The following MFAP2 variants were observed in gnomAD, a reference collection of about 807,000 sequenced individuals.
MFAP2 encodes microfibrillar-associated protein 2.
Under a neutral mutation model 30.6 loss-of-function variants are expected in MFAP2, and 23 were observed. The ratio of observed to expected loss-of-function variants is 0.75; its 90% CI spans 0.54 to 1.07. MFAP2 has a LOEUF of 1.07. MFAP2 is among the 50% of genes least tolerant of loss of function. MFAP2 has a pLI of 0.00. For synonymous variants in MFAP2, 73 were observed against 85.7 expected (o/e 0.85, Z 0.82); for missense variants, 198 against 223.8 (o/e 0.88, Z 0.74).
At position 16,976,994 on chromosome 1, in the gene MFAP2, CCCT is replaced by C. The variant is rs2076598433; in HGVS notation, c.128-74_128-72del. 19 of 1,613,358 alleles carry C rather than the reference CCCT, an allele frequency of 1.2e-5. No individual in the cohort carries two copies. Among genetic ancestry groups the C allele is most frequent in the Non-Finnish European group, 1.6e-5 (19 of 1,179,536 alleles). ...CCCCAGCCCCTGGGGCAAACAAGTT[CCCT>C]CCTGAGCCAGGGACCAACCCCCAGA... On this transcript the variant is annotated intron_variant, in intron 3 of 8. Coordinates refer to ENST00000375535, the MANE Select transcript of MFAP2 (RefSeq NM_002403.4). This position sits in a 1 kb window ranked among gnomAD's most constrained non-coding sequence, Gnocchi z 5.5.
rs765485892 is a variant in MFAP2, at chr1:16,975,628, C to A, written c.374+15G>T. 6.2e-7 allele frequency: 1 copy of A among 1,612,662 alleles called. No homozygotes were observed. Among genetic ancestry groups the A allele is most frequent in the East Asian group, 2.2e-5 (1 of 44,866 alleles). ...TGCTCCGGAATCCTCCCGACAGCTG[C>A]CCATCTGTGCTCACCTGTAGAAGCA... On this transcript the variant is annotated intron_variant, in intron 7 of 8. Coordinates refer to ENST00000375535, the MANE Select transcript of MFAP2 (RefSeq NM_002403.4). The surrounding 1 kb of genome is among the most constrained non-coding windows in gnomAD (Gnocchi z 5.0).
At position 16,976,563 on chromosome 1, in the gene MFAP2, G is replaced by A. The variant is rs1393064820; in HGVS notation, c.242-18C>T. On this transcript the variant is annotated intron_variant, in intron 5 of 8. Coordinates refer to ENST00000375535, the MANE Select transcript of MFAP2 (RefSeq NM_002403.4). The surrounding 1 kb of genome is among the most constrained non-coding windows in gnomAD (Gnocchi z 5.5). ...TCCTGGTTCTGGTGTGGAGACAGAGGTAGGCAGACATCACTGGGAGGGGTC... is the reference window on the plus strand; with the variant it reads ...TCCTGGTTCTGGTGTGGAGACAGAGATAGGCAGACATCACTGGGAGGGGTC... 6.2e-7 allele frequency: 1 copy of A among 1,614,106 alleles called. No individual in the cohort carries two copies. Among genetic ancestry groups the A allele is most frequent in the Non-Finnish European group, 8.5e-7 (1 of 1,180,044 alleles).
In MFAP2 at chr1:16,975,659, C is replaced by T. The variant is rs374813759; in HGVS notation, c.358G>A (p.Glu120Lys). 2.7e-5 allele frequency: 44 copies of T among 1,614,064 alleles called. 1 individual carries two copies. In the South Asian group the frequency reaches 3.5e-4, roughly 13 times the overall value. The change falls in exon 7 of 9, where the codon GAG becomes AAG. Residue 120 changes from glutamate to lysine, a missense_variant. Physicochemically the swap from Glu to Lys is moderately conservative, Grantham distance 56 (BLOSUM62 1). Coordinates refer to ENST00000375535, the MANE Select transcript of MFAP2 (RefSeq NM_002403.4). The surrounding 1 kb of genome is among the most constrained non-coding windows in gnomAD (Gnocchi z 5.0). ...IHRPCKQCLN[E>K]VCFYSLRRVY... ...TGTGCTCACCTGTAGAAGCAGACCT[C>T]GTTGAGACACTGTTTGCAAGGCCTG...
chr1:16,975,842 GCAGA>G lies in MFAP2; in HGVS notation c.287-116_287-113del. ...TCCCCCCTGTACCTTCAGGCCCCGT[GCAGA>G]CACCCATACCTACACATGCCCACAT... On this transcript the variant is annotated intron_variant, in intron 6 of 8. Coordinates refer to ENST00000375535, the MANE Select transcript of MFAP2 (RefSeq NM_002403.4). This position sits in a 1 kb window ranked among gnomAD's most constrained non-coding sequence, Gnocchi z 5.0. 1 of 820,014 alleles carries G rather than the reference GCAGA, an allele frequency of 1.2e-6. No homozygotes were observed. The highest frequency in any genetic ancestry group is 2.0e-6 in the Non-Finnish European group (1 of 505,206). 50.8% of individuals were successfully genotyped at this position (820,014 alleles called of 1,614,324 possible).
Position 16,976,681 on chromosome 1 carries a change from C to A in MFAP2, c.241+27G>T. On this transcript the variant is annotated intron_variant, in intron 5 of 8. Transcript: ENST00000375535. The surrounding 1 kb of genome is among the most constrained non-coding windows in gnomAD (Gnocchi z 5.5). Reference sequence around the variant, plus strand: ...GGGAGGGGTGAGGCAGGAGCTGAGACGGGTGGGAGCAGGGTCTGGGGCCTA... The same window carrying A: ...GGGAGGGGTGAGGCAGGAGCTGAGAAGGGTGGGAGCAGGGTCTGGGGCCTA... The A allele has an allele frequency of 6.2e-7, 1 of 1,612,426 alleles. No homozygotes were observed. The highest frequency in any genetic ancestry group is 8.5e-7 in the Non-Finnish European group (1 of 1,178,908).
Position 16,974,858 on chromosome 1 carries a change from T to C in MFAP2, c.*62A>G. The C allele has an allele frequency of 1.7e-6, 1 of 574,534 alleles. No individual in the cohort carries two copies. Among genetic ancestry groups the C allele is most frequent in the East Asian group, 2.8e-5 (1 of 35,250 alleles). 35.6% of individuals were successfully genotyped at this position (574,534 alleles called of 1,614,324 possible). ...TGGGGATGGGGAAAAAAGCACCAGG[T>C]CAGGCAGGGCCCGAGGGCCCCAGAT... On this transcript the variant is annotated 3_prime_UTR_variant, in exon 9 of 9. Coordinates refer to ENST00000375535, the MANE Select transcript of MFAP2 (RefSeq NM_002403.4).
intron 3 of MFAP2, 75 bp downstream of exon 3, chr1:16,977,034 C>T (rs1557655132): frequency 6.2e-6 from 10 of 1,611,944 alleles, no homozygotes; most frequent in South Asian, 1.1e-5. Flanking sequence ...TTCCCATCAG[C>T]GTGTCCAGTG....
chr1:16,978,267 C>T lies in MFAP2; in HGVS notation c.7G>A (p.Ala3Thr). The change falls in exon 2 of 9, where the codon GCT becomes ACT. Residue 3 changes from alanine to threonine, a missense_variant. Transcript: ENST00000375535. MR[A>T]AYLFLLFLPA... The stretch of plus-strand genomic sequence containing the variant: ...AGGAATAGCAGGAAGAGGTAGGCAG[C>T]TCTCATGGCAACAAAGAGGCAGGCC... The T allele has an allele frequency of 6.3e-7, 1 of 1,578,256 alleles. No homozygotes were observed. The highest frequency in any genetic ancestry group is 8.6e-7 in the Non-Finnish European group (1 of 1,161,756).
chr1:16,975,782 G>A lies in MFAP2; in HGVS notation c.287-52C>T. The A allele has an allele frequency of 2.0e-6, 3 of 1,524,756 alleles. No individual in the cohort carries two copies. Among genetic ancestry groups the A allele is most frequent in the Non-Finnish European group, 9.0e-7 (1 of 1,106,904 alleles). 94.5% of individuals were successfully genotyped at this position (1,524,756 alleles called of 1,614,324 possible). A position where few individuals can be genotyped will look rare whatever the true frequency, so the allele number is the denominator to read the frequency against. On this transcript the variant is annotated intron_variant, in intron 6 of 8. Coordinates refer to ENST00000375535, the MANE Select transcript of MFAP2 (RefSeq NM_002403.4). The surrounding 1 kb of genome is among the most constrained non-coding windows in gnomAD (Gnocchi z 5.0). Reference sequence around the variant, plus strand: ...AGCCCAGAGTGGGGGGCGGCCCCCAGCCTCACCCACCTGAGGCTGGCTCAC... The same window carrying A: ...AGCCCAGAGTGGGGGGCGGCCCCCAACCTCACCCACCTGAGGCTGGCTCAC...
rs1557654823 is a variant in MFAP2 at position 16,976,558 on chromosome 1, C to T, written c.242-13G>A. 5 of 1,614,196 alleles carry T rather than the reference C, an allele frequency of 3.1e-6. No homozygotes were observed. The highest frequency in any genetic ancestry group is 4.2e-6 in the Non-Finnish European group (5 of 1,180,026). On this transcript the variant is annotated splice_polypyrimidine_tract_variant and intron_variant, in intron 5 of 8. Coordinates refer to ENST00000375535, the MANE Select transcript of MFAP2 (RefSeq NM_002403.4). This position sits in a 1 kb window ranked among gnomAD's most constrained non-coding sequence, Gnocchi z 5.5. ...GCATTTCCTGGTTCTGGTGTGGAGA[C>T]AGAGGTAGGCAGACATCACTGGGAG... is the stretch of plus-strand genomic sequence containing the variant.
Position 16,976,493 on chromosome 1 carries a change from G to T in MFAP2, c.286+8C>A, listed in dbSNP as rs1199233359. The T allele has an allele frequency of 1.9e-6, 3 of 1,614,212 alleles. No individual in the cohort carries two copies. In the Admixed American group the frequency reaches 5.0e-5, roughly 27 times the overall value. On this transcript the variant is annotated splice_region_variant and intron_variant, in intron 6 of 8. Transcript: ENST00000375535. The surrounding 1 kb of genome is among the most constrained non-coding windows in gnomAD (Gnocchi z 5.5). ...CTCCATTTTTCCAGCTGTCAAGAAA[G>T]CCCTTACCAAGAGGCCCAGGCTCTG...
At position 16,974,840 on chromosome 1, in the gene MFAP2, G is replaced by A. The variant is rs1400325621; in HGVS notation, c.*80C>T. The A allele has an allele frequency of 8.9e-6, 5 of 561,134 alleles. No individual in the cohort carries two copies. The Admixed American group carries it at 1.7e-4, about 19-fold the overall frequency. 34.8% of individuals were successfully genotyped at this position (561,134 alleles called of 1,614,324 possible). Reference sequence around the variant, plus strand: ...TACAGAATAAAAGGAACATGGGGATGGGGAAAAAAGCACCAGGTCAGGCAG... The same window carrying A: ...TACAGAATAAAAGGAACATGGGGATAGGGAAAAAAGCACCAGGTCAGGCAG... On this transcript the variant is annotated 3_prime_UTR_variant, in exon 9 of 9. Transcript: ENST00000375535.
chr1:16,977,963 T>C, intron 2 of MFAP2: 1 of 412,834 alleles, frequency 2.4e-6, no homozygotes, highest in Non-Finnish European at 4.5e-6. Flanking sequence ...GCCTTGTGCC[T>C]TGTGCCCACG....
chr1:16,981,548 C>T (rs2076638229), upstream of MFAP2, among the ~76,000 whole-genome samples: 1 of 152,242 alleles, frequency 6.6e-6, no homozygotes, highest in African/African-American at 2.4e-5. Context: ...GTTCACTGCT[C>T]CCACCCTGGC....
chr1:16,978,734 C>A (rs1233567672), intron 1 of MFAP2, among the ~76,000 whole-genome samples: 1 of 152,208 alleles, frequency 6.6e-6, no homozygotes, highest in Admixed American at 6.5e-5. Context: ...CAGGCCCATC[C>A]TTGGGACCCC....
upstream of MFAP2, among the ~76,000 whole-genome samples, chr1:16,981,446 C>T (rs1453406385): frequency 6.6e-6 from 1 of 152,212 alleles, no homozygotes; most frequent in Admixed American, 6.5e-5. Context: ...CCGCAGCCTT[C>T]CATTACCCAG....
rs751399781 is a variant in MFAP2 at position 16,976,798 on chromosome 1, C to T, written c.155-4G>A. The stretch of plus-strand genomic sequence containing the variant: ...TCGGAGGGCCGAGGAGTCACCTCTG[C>T]AGCCAGGGGAGGATAAGGGGGTCTG... On this transcript the variant is annotated splice_polypyrimidine_tract_variant and splice_region_variant and intron_variant, in intron 4 of 8. Coordinates refer to ENST00000375535, the MANE Select transcript of MFAP2 (RefSeq NM_002403.4). The surrounding 1 kb of genome is among the most constrained non-coding windows in gnomAD (Gnocchi z 5.5). 2 of 1,614,040 alleles carry T rather than the reference C, an allele frequency of 1.2e-6. No homozygotes were observed. Among genetic ancestry groups the T allele is most frequent in the Non-Finnish European group, 1.7e-6 (2 of 1,179,962 alleles).
upstream of MFAP2, chr1:16,980,656 C>A (rs2100591518): frequency 6.6e-6 from 1 of 152,356 alleles, no homozygotes; most frequent in East Asian, 2.0e-4. Flanking sequence ...GCTCCGAGTC[C>A]CCCTCCGGGC....
Position 16,976,151 on chromosome 1 carries a change from C to A in MFAP2, c.286+350G>T. 2.0e-6 allele frequency: 1 copy of A among 511,234 alleles called. No individual in the cohort carries two copies. Among genetic ancestry groups the A allele is most frequent in the Non-Finnish European group, 3.5e-6 (1 of 282,274 alleles). 31.7% of individuals were successfully genotyped at this position (511,234 alleles called of 1,614,324 possible). ...GCTAGGGCAGCCGGAGGGCACCGCTCAGCCAGCCTGCACTCCCTGGCCCTT... is the reference window on the plus strand; with the variant it reads ...GCTAGGGCAGCCGGAGGGCACCGCTAAGCCAGCCTGCACTCCCTGGCCCTT... On this transcript the variant is annotated intron_variant, in intron 6 of 8. Transcript: ENST00000375535. This position sits in a 1 kb window ranked among gnomAD's most constrained non-coding sequence, Gnocchi z 5.5.
Sources: allele counts gnomAD v4.1 joint callset (sites outside exome capture counted in the v4.1 genomes callset), GRCh38; gene constraint gnomAD v4.1.1; non-coding constraint Gnocchi (gnomAD v3.1); transcripts MANE v1.5; gene names NCBI Gene and HGNC (gene_info 2026-07-23, HGNC 2026-07-21).